The following CACNA2D3 variants were observed in gnomAD, a reference collection of about 807,000 sequenced individuals.
CACNA2D3 encodes calcium voltage-gated channel auxiliary subunit alpha2delta 3.
CACNA2D3 carries 60 observed loss-of-function variants against 160.6 expected under a neutral mutation model. The ratio of observed to expected loss-of-function variants is 0.37; its 90% confidence interval spans 0.30 to 0.46. The LOEUF (loss-of-function observed/expected upper bound fraction) is 0.46, where lower values mean the gene tolerates loss of function less well. Among genes scored for constraint, CACNA2D3 ranks in the 20% least tolerant of loss-of-function variants. CACNA2D3 has a pLI of 1.00. For synonymous variants in CACNA2D3, 558 were observed against 492.9 expected (o/e 1.13, Z -1.75); for missense variants, 1,205 against 1,365.0 (o/e 0.88, Z 1.85).
At chr3:54,659,141 A>G (rs1699924935) in intron 11 of CACNA2D3, among the ~76,000 whole-genome samples, 1 of 152,200 alleles carries the variant, frequency 6.6e-6, no homozygotes, top group South Asian at 2.1e-4. Flanking sequence ...TTTTACTGAT[A>G]GCACCTTTCA....
At chr3:54,245,488 C>T (rs1702055636) in intron 2 of CACNA2D3, among the ~76,000 whole-genome samples, 1 of 152,138 alleles carries the variant, frequency 6.6e-6, no homozygotes, top group Admixed American at 6.5e-5. Context: ...GACCTAAGGC[C>T]AGGCCTGCTC....
intron 4 of CACNA2D3, among the ~76,000 whole-genome samples, chr3:54,457,223 C>G (rs1252157671): frequency 6.6e-6 from 1 of 151,574 alleles, no homozygotes; most frequent in Non-Finnish European, 1.5e-5. Context: ...TTAATACTGC[C>G]TTTGCTGTAT....
chr3:54,939,601 G>C (rs78793024), intron 27 of CACNA2D3, among the ~76,000 whole-genome samples: 1 of 152,194 alleles, frequency 6.6e-6, no homozygotes, highest in East Asian at 1.9e-4. Context: ...GGAAAGCAAG[G>C]CATTTTGTGC....
chr3:55,065,081 A>G (rs1186116773), intron 35 of CACNA2D3, among the ~76,000 whole-genome samples: 1 of 152,046 alleles, frequency 6.6e-6, no homozygotes, highest in Non-Finnish European at 1.5e-5. Flanking sequence ...GTTTTATCCT[A>G]AGCATGATGC....
At chr3:54,773,389 TCAAAA>T (rs1452484041) in intron 13 of CACNA2D3, among the ~76,000 whole-genome samples, 2 of 152,094 alleles carry the variant, frequency 1.3e-5, no homozygotes, top group African/African-American at 4.8e-5. Flanking sequence ...GTTCCAATCG[TCAAAA>T]CAAAGAGACA....
chr3:54,304,523 G>A (rs991762913), intron 2 of CACNA2D3, among the ~76,000 whole-genome samples: 2 of 152,176 alleles, frequency 1.3e-5, no homozygotes, highest in African/African-American at 4.8e-5. Context: ...AAAAAGATCT[G>A]TAAAGATATA....
chr3:54,911,199 G>A (rs1700546668), intron 27 of CACNA2D3, among the ~76,000 whole-genome samples: 1 of 151,996 alleles, frequency 6.6e-6, no homozygotes, highest in Non-Finnish European at 1.5e-5. Flanking sequence ...CTATTACCTA[G>A]TCAGAATGTA....
chr3:54,644,617 T>C (rs973692833), intron 11 of CACNA2D3, among the ~76,000 whole-genome samples: 2 of 152,152 alleles, frequency 1.3e-5, no homozygotes, highest in African/African-American at 4.8e-5. Context: ...ATTGTAAAAA[T>C]GGGAAATGGG....
chr3:54,385,480 C>G (rs1699172807), intron 3 of CACNA2D3, among the ~76,000 whole-genome samples: 1 of 152,164 alleles, frequency 6.6e-6, no homozygotes, highest in Non-Finnish European at 1.5e-5. Flanking sequence ...GGAAAAAACC[C>G]TTCCTGACCT....
intron 11 of CACNA2D3, among the ~76,000 whole-genome samples, chr3:54,698,375 C>T (rs1700703218): frequency 6.6e-6 from 1 of 152,190 alleles, no homozygotes; most frequent in Non-Finnish European, 1.5e-5. Context: ...AGCTGGCTTC[C>T]AGACAGAGGG....
chr3:54,778,772 A>G (rs1432074114), intron 13 of CACNA2D3, among the ~76,000 whole-genome samples: 3 of 152,198 alleles, frequency 2.0e-5, no homozygotes, highest in South Asian at 2.1e-4. Context: ...ATGTGAAAAT[A>G]TCTGCGTTTT....
intron 35 of CACNA2D3, among the ~76,000 whole-genome samples, chr3:55,065,845 A>G (rs774814826): frequency 7.9e-5 from 12 of 152,100 alleles, no homozygotes; most frequent in African/African-American, 2.4e-4. Flanking sequence ...TTCTAGGCCA[A>G]TCCTCACTGT....
At chr3:54,405,006 A>G (rs1305217376) in intron 4 of CACNA2D3, among the ~76,000 whole-genome samples, 2 of 148,052 alleles carry the variant, frequency 1.4e-5, no homozygotes, top group Non-Finnish European at 3.0e-5. Flanking sequence ...GATGAAAGAA[A>G]TTGAAGAGGA....
At chr3:54,978,830 G>GA (rs55702622) in intron 29 of CACNA2D3, among the ~76,000 whole-genome samples, 3 of 151,930 alleles carry the variant, frequency 2.0e-5, no homozygotes, top group Non-Finnish European at 2.9e-5. Context: ...CTAAATTACA[G>GA]AAAAAAACCT....
At chr3:55,039,420 T>A (rs1703911519) in intron 35 of CACNA2D3, among the ~76,000 whole-genome samples, 1 of 152,236 alleles carries the variant, frequency 6.6e-6, no homozygotes, top group Non-Finnish European at 1.5e-5. Context: ...AATTGTGAAA[T>A]GTTTTCTGTG....
chr3:54,407,609 A>G (rs1411905421), intron 4 of CACNA2D3, among the ~76,000 whole-genome samples: 1 of 152,202 alleles, frequency 6.6e-6, no homozygotes, highest in African/African-American at 2.4e-5. Context: ...ATCTGATCCA[A>G]ACACACACTA....
intron 9 of CACNA2D3, among the ~76,000 whole-genome samples, chr3:54,621,264 C>T (rs1403371120): frequency 6.6e-6 from 1 of 152,212 alleles, no homozygotes; most frequent in Admixed American, 6.5e-5. Context: ...CACAGAGAGT[C>T]ATCAGTATGA....
chr3:55,063,248 C>G (rs1704556367), intron 35 of CACNA2D3, among the ~76,000 whole-genome samples: 1 of 152,142 alleles, frequency 6.6e-6, no homozygotes, highest in South Asian at 2.1e-4. Flanking sequence ...ATCATAGGCC[C>G]TACCCTAGAC....
chr3:54,652,080 G>A (rs1317601728), intron 11 of CACNA2D3, among the ~76,000 whole-genome samples: 1 of 152,164 alleles, frequency 6.6e-6, no homozygotes, highest in Non-Finnish European at 1.5e-5. Flanking sequence ...ACTTGGAAAG[G>A]CGTTAAGATC....
Sources: allele counts gnomAD v4.1 joint callset (sites outside exome capture counted in the v4.1 genomes callset), GRCh38; gene constraint gnomAD v4.1.1; transcripts MANE v1.5; gene names NCBI Gene and HGNC (gene_info 2026-07-23, HGNC 2026-07-21).